Variants in ADAMTSL1 observed in about 807,000 individuals in gnomAD.
ADAMTSL1 encodes the protein ADAMTS like 1.
Under a neutral mutation model 201.8 loss-of-function variants are expected in ADAMTSL1, and 126 were observed. The ratio of observed to expected loss-of-function variants is 0.62; its 90% CI spans 0.54 to 0.72. ADAMTSL1 has a LOEUF of 0.72. Ranked by LOEUF, ADAMTSL1 falls within the 30% of genes least tolerant of loss-of-function variation. The probability of loss-of-function intolerance (pLI) is 0.00; values close to 1 mark genes in which losing one functional copy is unlikely to be tolerated. For missense variants in ADAMTSL1, 2,679 were observed against 2,277.8 expected (o/e 1.18, Z -3.59); for synonymous variants, 1,121 against 903.4 (o/e 1.24, Z -4.32).
intron 13 of ADAMTSL1, among the ~76,000 whole-genome samples, chr9:18,702,769 T>G (rs1211530230): frequency 1.3e-5 from 2 of 152,092 alleles, no homozygotes; most frequent in African/African-American, 4.8e-5. Context: ...AAAAAGAGTT[T>G]TTTTTTTTTT....
rs779782583 is a variant in ADAMTSL1 at position 18,776,803 on chromosome 9, G to C, written c.2574G>C (p.Lys858Asn). Residue 858 changes from lysine to asparagine, a missense_variant, in exon 19 of 29, where the codon AAG becomes AAC. Coordinates refer to ENST00000380548, the MANE Select transcript of ADAMTSL1 (RefSeq NM_001040272.6). ...TCARPGRPSTKHSPHIAAARK... is the reference protein window; with the variant it reads ...TCARPGRPSTNHSPHIAAARK... Reference sequence around the variant, plus strand: ...CAGGGCCCGGGCGGCCATCCACGAAGCACAGCCCGCACATCGCGGCCGCCA... The same window carrying C: ...CAGGGCCCGGGCGGCCATCCACGAACCACAGCCCGCACATCGCGGCCGCCA... 20 of 1,558,230 alleles carry C rather than the reference G, an allele frequency of 1.3e-5. No individual in the cohort carries two copies. The South Asian group carries it at 2.4e-4, about 18-fold the overall frequency.
At chr9:18,576,248 G>A (rs1262003063) in intron 4 of ADAMTSL1, among the ~76,000 whole-genome samples, 1 of 152,064 alleles carries the variant, frequency 6.6e-6, no homozygotes, top group Non-Finnish European at 1.5e-5. Flanking sequence ...TAGTAAAGGC[G>A]ATGGAAAAAC....
chr9:18,759,124 G>C (rs1819928127), intron 16 of ADAMTSL1, among the ~76,000 whole-genome samples: 1 of 152,146 alleles, frequency 6.6e-6, no homozygotes, highest in South Asian at 2.1e-4. Flanking sequence ...GTACACACAT[G>C]TTGCACACAT....
intron 1 of ADAMTSL1, among the ~76,000 whole-genome samples, chr9:18,488,598 G>A (rs1822112939): frequency 6.6e-6 from 1 of 151,992 alleles, no homozygotes; most frequent in African/African-American, 2.4e-5. Context: ...GTAAAACAGG[G>A]GTCAACAATG....
chr9:18,278,571 A>G (rs779967030), intron 2 of ADAMTSL1, among the ~76,000 whole-genome samples: 11 of 152,134 alleles, frequency 7.2e-5, no homozygotes, highest in South Asian at 4.1e-4. Context: ...TGCTCTTGCT[A>G]CTTTCCAAAT....
At chr9:18,582,916 G>A (rs1310226463) in intron 4 of ADAMTSL1, among the ~76,000 whole-genome samples, 3 of 151,432 alleles carry the variant, frequency 2.0e-5, no homozygotes, top group East Asian at 3.9e-4. Context: ...AATAAAAAGG[G>A]GAGTTTCCCT....
intron 2 of ADAMTSL1, among the ~76,000 whole-genome samples, chr9:18,268,734 G>C: frequency 6.6e-6 from 1 of 152,142 alleles, no homozygotes; most frequent in East Asian, 1.9e-4. Flanking sequence ...AAGAAGGAAA[G>C]TTGAAATAAG....
At chr9:18,268,873 A>G (rs188786098) in intron 2 of ADAMTSL1, among the ~76,000 whole-genome samples, 1 of 152,246 alleles carries the variant, frequency 6.6e-6, no homozygotes. Flanking sequence ...CTCCTGTTGT[A>G]TATAAAATTG....
chr9:18,013,460 G>A (rs1820135716), intron 1 of ADAMTSL1, among the ~76,000 whole-genome samples: 1 of 151,984 alleles, frequency 6.6e-6, no homozygotes, highest in Non-Finnish European at 1.5e-5. Context: ...GAGAGTTCAA[G>A]TAAAATTGCA....
intron 1 of ADAMTSL1, among the ~76,000 whole-genome samples, chr9:17,947,688 G>A (rs985417422): frequency 3.3e-5 from 5 of 152,102 alleles, no homozygotes; most frequent in African/African-American, 1.2e-4. Context: ...TTTAACTGAC[G>A]TTTTTGAAGC....
At chr9:18,668,814 AC>A (rs1382748713) in intron 9 of ADAMTSL1, among the ~76,000 whole-genome samples, 1 of 152,202 alleles carries the variant, frequency 6.6e-6, no homozygotes, top group Middle Eastern at 3.2e-3. Context: ...AGGTGCCTTC[AC>A]ATCCATTATC....
chr9:18,060,867 CT>C (rs1247126137), intron 1 of ADAMTSL1, among the ~76,000 whole-genome samples: 7 of 152,152 alleles, frequency 4.6e-5, no homozygotes, highest in Admixed American at 4.6e-4. Flanking sequence ...ATTGTCCTTG[CT>C]TTACCAGAAA....
At chr9:18,373,041 T>C (rs1412215375) in intron 2 of ADAMTSL1, among the ~76,000 whole-genome samples, 1 of 152,178 alleles carries the variant, frequency 6.6e-6, no homozygotes, top group African/African-American at 2.4e-5. Flanking sequence ...CGCATGATCC[T>C]TAGGGAATCC....
At chr9:17,943,806 T>C (rs570644416) in intron 1 of ADAMTSL1, among the ~76,000 whole-genome samples, 6 of 152,026 alleles carry the variant, frequency 3.9e-5, no homozygotes, top group Non-Finnish European at 7.4e-5. Flanking sequence ...TTAATTGGCT[T>C]ACAGTTTTGC....
intron 1 of ADAMTSL1, among the ~76,000 whole-genome samples, chr9:18,504,161 A>G (rs1822997409): frequency 6.6e-6 from 1 of 152,214 alleles, no homozygotes; most frequent in Non-Finnish European, 1.5e-5. Context: ...TCTTAACTAT[A>G]GCACACATTT....
intron 1 of ADAMTSL1, among the ~76,000 whole-genome samples, chr9:18,061,941 A>G (rs1443257873): frequency 6.6e-6 from 1 of 152,194 alleles, no homozygotes; most frequent in African/African-American, 2.4e-5. Context: ...AAGATCAACA[A>G]AAGACCACAT....
At chr9:18,358,760 T>G (rs1159437306) in intron 2 of ADAMTSL1, among the ~76,000 whole-genome samples, 4 of 152,216 alleles carry the variant, frequency 2.6e-5, no homozygotes, top group African/African-American at 9.6e-5. Flanking sequence ...GCCATATTTG[T>G]TTTTCCATTC....
chr9:17,978,664 G>A (rs1818554040), intron 1 of ADAMTSL1, among the ~76,000 whole-genome samples: 1 of 151,928 alleles, frequency 6.6e-6, no homozygotes, highest in Non-Finnish European at 1.5e-5. Flanking sequence ...AACTATAAAT[G>A]CCTTTGTCTT....
chr9:17,934,665 C>A (rs1826930963), intron 1 of ADAMTSL1, among the ~76,000 whole-genome samples: 1 of 152,100 alleles, frequency 6.6e-6, no homozygotes, highest in Non-Finnish European at 1.5e-5. Context: ...TTCCCTATCC[C>A]TCATAGCTTC....
Sources: gnomAD v4.1 joint callset for allele counts (sites outside exome capture counted in the v4.1 genomes callset) on GRCh38, gnomAD v4.1.1 for gene constraint, MANE v1.5 for transcripts, NCBI Gene and HGNC (gene_info 2026-07-23, HGNC 2026-07-21) for gene names.